PRKN: variants seen among roughly 807,000 people sequenced by gnomAD.
The protein encoded by PRKN is E3 ubiquitin-protein ligase parkin.
Under a neutral mutation model 59.5 loss-of-function variants are expected in PRKN, and 56 were observed. The observed-to-expected ratio is 0.94, with a 90% CI of 0.76 to 1.18. The LOEUF (loss-of-function observed/expected upper bound fraction) is 1.18, where lower values mean the gene tolerates loss of function less well. Ranked by LOEUF, PRKN falls within the 50% of genes most tolerant of loss-of-function variation. PRKN has a pLI of 0.00. For synonymous variants in PRKN, 250 were observed against 222.1 expected, an observed-to-expected ratio of 1.13 and a Z score of -1.12; for missense variants, 657 against 596.4, an observed-to-expected ratio of 1.10 and a Z score of -1.06.
At chr6:162,455,348 A>C (rs1464676705) in intron 1 of PRKN, among the ~76,000 whole-genome samples, 1 of 152,198 alleles carries the variant, frequency 6.6e-6, no homozygotes, top group African/African-American at 2.4e-5. Context: ...AGGCAATTTC[A>C]TCATTGTGCA....
chr6:162,107,184 G>T (rs563976972), intron 4 of PRKN, among the ~76,000 whole-genome samples: 6 of 152,288 alleles, frequency 3.9e-5, no homozygotes, highest in South Asian at 2.1e-4. Flanking sequence ...AAGGTTGAAG[G>T]CCGGGCTCAA....
chr6:161,569,435 A>G lies in PRKN; in HGVS notation c.872-19T>C. 1.2e-6 allele frequency: 2 copies of G among 1,607,168 alleles called. No homozygotes were observed. The highest frequency in any genetic ancestry group is 1.7e-6 in the Non-Finnish European group (2 of 1,173,716). On this transcript the variant is annotated intron_variant, in intron 7 of 11. Coordinates refer to ENST00000366898, the MANE Select transcript of PRKN (RefSeq NM_004562.3). ...CAGCCAGCTGTTGGAAAGAAGAATT[A>G]ATCACAAAAACGTCACTTTCACTCT...
chr6:161,398,019 G>C, intron 9 of PRKN, among the ~76,000 whole-genome samples: 1 of 152,258 alleles, frequency 6.6e-6, no homozygotes, highest in East Asian at 1.9e-4. Flanking sequence ...CCAGAGAGGG[G>C]GCAGGATGGG....
intron 6 of PRKN, among the ~76,000 whole-genome samples, chr6:161,841,647 G>A (rs1331512635): frequency 6.6e-6 from 1 of 152,078 alleles, no homozygotes; most frequent in Non-Finnish European, 1.5e-5. Context: ...ACCACGCCTG[G>A]CCCACTTTTA....
At position 161,526,098 on chromosome 6, in the gene PRKN, T is replaced by C. The variant is rs1435493003; in HGVS notation, c.1083+22756A>G. ...TGATCACTCACATATAATAGTGGGC[T>C]GATAAACCAGCTCTTTTCCAACCTT... On this transcript the variant is annotated intron_variant, in intron 9 of 11. Coordinates refer to ENST00000366898, the MANE Select transcript of PRKN (RefSeq NM_004562.3). This position sits in a 1 kb window ranked among gnomAD's most constrained non-coding sequence, Gnocchi z 4.1. Among the ~76,000 whole-genome samples, 1 of 152,194 alleles carries C rather than the reference T, an allele frequency of 6.6e-6. No individual in the cohort carries two copies. The highest frequency in any genetic ancestry group is 1.5e-5 in the Non-Finnish European group (1 of 68,036).
chr6:162,207,722 T>G (rs2128333431), intron 3 of PRKN, among the ~76,000 whole-genome samples: 1 of 152,294 alleles, frequency 6.6e-6, no homozygotes, highest in East Asian at 1.9e-4. Context: ...CCTTGACCTT[T>G]CTGTACCTGT....
chr6:162,504,569 G>A lies in PRKN; in HGVS notation c.8-61096C>T, dbSNP rs562502398. On this transcript the variant is annotated intron_variant, in intron 1 of 11. Transcript: ENST00000366898. ...CATTCTGTATTAGTAGGGAAGGATA[G>A]AGTCCTATATAAATGAGACCTAAAT... Among the ~76,000 whole-genome samples the A allele has an allele frequency of 2.7e-4, 41 of 152,260 alleles. 1 individual carries two copies. The South Asian group carries it at 5.4e-3, about 20-fold the overall frequency.
At chr6:161,666,918 C>T (rs1399933644) in intron 7 of PRKN, among the ~76,000 whole-genome samples, 1 of 152,136 alleles carries the variant, frequency 6.6e-6, no homozygotes, top group Non-Finnish European at 1.5e-5. Context: ...GGCGGTGGAC[C>T]TTCATGTAAT....
At chr6:161,633,185 C>T (rs113612645) in intron 7 of PRKN, among the ~76,000 whole-genome samples, 1 of 152,138 alleles carries the variant, frequency 6.6e-6, no homozygotes, top group African/African-American at 2.4e-5. Context: ...TCTGACTGCA[C>T]ACACATACAC....
chr6:161,986,285 G>C (rs916025462), intron 5 of PRKN, among the ~76,000 whole-genome samples: 1 of 152,206 alleles, frequency 6.6e-6, no homozygotes, highest in Admixed American at 6.5e-5. Context: ...TCACAGAGCT[G>C]TAACACCACC....
intron 1 of PRKN, among the ~76,000 whole-genome samples, chr6:162,567,655 G>T (rs1274171258): frequency 6.6e-6 from 1 of 152,070 alleles, no homozygotes; most frequent in Non-Finnish European, 1.5e-5. Context: ...CATGTTCATG[G>T]ATAAAATCCA....
chr6:161,975,804 T>G (rs1485895320), intron 5 of PRKN, among the ~76,000 whole-genome samples: 2 of 152,222 alleles, frequency 1.3e-5, no homozygotes. Flanking sequence ...TAAACTCTAG[T>G]TACTCTCTCG....
At chr6:161,519,518 A>G (rs112421507) in intron 9 of PRKN, among the ~76,000 whole-genome samples, 43 of 152,356 alleles carry the variant, frequency 2.8e-4, no homozygotes, top group African/African-American at 1.0e-3. Flanking sequence ...AGGTGGATTC[A>G]GCATGATCAG....
Position 161,423,193 on chromosome 6 carries a change from G to C in PRKN, c.1084-36316C>G, listed in dbSNP as rs920347360. 6.6e-6 allele frequency among the ~76,000 whole-genome samples: 1 copy of C among 152,076 alleles called. No homozygotes were observed. Among genetic ancestry groups the C allele is most frequent in the Non-Finnish European group, 1.5e-5 (1 of 68,026 alleles). Reference sequence around the variant, plus strand: ...TGCCAGCCTTGCATGGGTTTGGTTGGGACGTCCTCATCTGAGAAGACGTGG... The same window carrying C: ...TGCCAGCCTTGCATGGGTTTGGTTGCGACGTCCTCATCTGAGAAGACGTGG... On this transcript the variant is annotated intron_variant, in intron 9 of 11. Transcript: ENST00000366898. This position sits in a 1 kb window ranked among gnomAD's most constrained non-coding sequence, Gnocchi z 5.9.
intron 4 of PRKN, among the ~76,000 whole-genome samples, chr6:162,122,035 C>A (rs1328003488): frequency 6.6e-6 from 1 of 152,160 alleles, no homozygotes; most frequent in Non-Finnish European, 1.5e-5. Context: ...ATTGTTCTTA[C>A]TGAATCCTCA....
intron 4 of PRKN, among the ~76,000 whole-genome samples, chr6:162,063,187 G>A (rs1432360684): frequency 1.3e-5 from 2 of 151,912 alleles, no homozygotes; most frequent in Non-Finnish European, 2.9e-5. Context: ...CACAGACTTG[G>A]GAAAATATTA....
chr6:161,359,278 C>T lies in PRKN; in HGVS notation c.1285+810G>A, dbSNP rs185368050. Reference sequence around the variant, plus strand: ...GCGGCTCTGGGATGTGTTCAAGCACCGTCTTGTTTGTATTAATGAAAACTT... The same window carrying T: ...GCGGCTCTGGGATGTGTTCAAGCACTGTCTTGTTTGTATTAATGAAAACTT... On this transcript the variant is annotated intron_variant, in intron 11 of 11. Coordinates refer to ENST00000366898, the MANE Select transcript of PRKN (RefSeq NM_004562.3). The surrounding 1 kb of genome is among the most constrained non-coding windows in gnomAD (Gnocchi z 5.4). 2.0e-5 allele frequency among the ~76,000 whole-genome samples: 3 copies of T among 152,256 alleles called. No homozygotes were observed. Among genetic ancestry groups the T allele is most frequent in the Admixed American group, 6.5e-5 (1 of 15,298 alleles).
At chr6:162,221,854 G>A (rs1256169603) in intron 3 of PRKN, among the ~76,000 whole-genome samples, 1 of 152,024 alleles carries the variant, frequency 6.6e-6, no homozygotes, top group African/African-American at 2.4e-5. Flanking sequence ...GGTTTGACAA[G>A]GACATAATCT....
intron 4 of PRKN, among the ~76,000 whole-genome samples, chr6:162,120,358 C>A (rs983464716): frequency 6.6e-6 from 1 of 152,172 alleles, no homozygotes; most frequent in African/African-American, 2.4e-5. Context: ...CACTAGACTT[C>A]TAGCCATTTA....
Sources: allele counts gnomAD v4.1 joint callset (sites outside exome capture counted in the v4.1 genomes callset), GRCh38; gene constraint gnomAD v4.1.1; non-coding constraint Gnocchi (gnomAD v3.1); transcripts MANE v1.5; gene names NCBI Gene and HGNC (gene_info 2026-07-23, HGNC 2026-07-21).